UBXN4: variants seen among roughly 807,000 people sequenced by gnomAD.
UBXN4 encodes the protein UBX domain protein 4, also known as UBX domain-containing protein 4.
UBXN4 carries 35 observed loss-of-function variants against 66.2 expected under a neutral mutation model. The observed-to-expected ratio is 0.53, with a 90% CI of 0.40 to 0.70. UBXN4 has a LOEUF of 0.70. UBXN4 is among the 30% of genes least tolerant of loss of function. The pLI is 0.00. For missense variants in UBXN4, 533 were observed against 599.8 expected (o/e 0.89, Z 1.16); for synonymous variants, 203 against 204.5 (o/e 0.99, Z 0.06).
intron 12 of UBXN4, among the ~76,000 whole-genome samples, chr2:135,782,328 G>C (rs1464616539): frequency 1.3e-5 from 2 of 152,116 alleles, no homozygotes; most frequent in African/African-American, 4.8e-5. Context: ...AAGATTTTGC[G>C]AAGGATTTAA....
intron 9 of UBXN4, among the ~76,000 whole-genome samples, chr2:135,775,737 A>C (rs181838108): frequency 1.3e-5 from 2 of 152,288 alleles, no homozygotes; most frequent in African/African-American, 4.8e-5. Context: ...GAATATATTT[A>C]AAAATCACTG....
intron 2 of UBXN4, 30 bp from the exon 3 acceptor site, chr2:135,753,509 C>G: frequency 1.3e-6 from 2 of 1,514,716 alleles, no homozygotes; most frequent in Non-Finnish European, 8.7e-7. Context: ...TTGCATTCAT[C>G]TAGTGATTTT....
At chr2:135,749,667 TAA>T (rs1226820825) in intron 2 of UBXN4, among the ~76,000 whole-genome samples, 4 of 152,224 alleles carry the variant, frequency 2.6e-5, no homozygotes, top group South Asian at 4.1e-4. Context: ...ACTATAATAT[TAA>T]TACTTCACAA....
intron 11 of UBXN4, 35 bp from the exon 12 acceptor site, chr2:135,780,148 G>A (rs377010370): frequency 4.7e-5 from 75 of 1,603,478 alleles, no homozygotes; most frequent in Non-Finnish European, 6.1e-5. Context: ...TTGTGCTAAC[G>A]TAGTCTTTAT....
chr2:135,750,763 G>A (rs1181396172), intron 2 of UBXN4, among the ~76,000 whole-genome samples: 2 of 149,782 alleles, frequency 1.3e-5, no homozygotes, highest in African/African-American at 2.5e-5. Flanking sequence ...AAGAATATAG[G>A]GATTTATAGG....
At chr2:135,762,255 A>G (rs1307101089) in intron 6 of UBXN4, among the ~76,000 whole-genome samples, 1 of 152,224 alleles carries the variant, frequency 6.6e-6, no homozygotes, top group African/African-American at 2.4e-5. Flanking sequence ...TTATTTCATG[A>G]CTATGTACTG....
chr2:135,752,182 G>A (rs893708392), intron 2 of UBXN4, among the ~76,000 whole-genome samples: 1 of 152,008 alleles, frequency 6.6e-6, no homozygotes, highest in Non-Finnish European at 1.5e-5. Flanking sequence ...CGAGTAGCTG[G>A]GATTACAGGT....
chr2:135,780,906 G>A (rs1264859220), intron 12 of UBXN4, among the ~76,000 whole-genome samples: 4 of 152,206 alleles, frequency 2.6e-5, no homozygotes, highest in Non-Finnish European at 4.4e-5. Context: ...CTCTCTCAGA[G>A]AATTATTTTG....
At chr2:135,742,699 C>T (rs2077183721) in intron 1 of UBXN4, 1 of 152,122 alleles carries the variant, frequency 6.6e-6, no homozygotes, top group Admixed American at 6.6e-5. Context: ...ACCTGATGTT[C>T]ACGGTTACTG....
intron 1 of UBXN4, chr2:135,742,813 A>T (rs900075055): frequency 5.9e-5 from 9 of 151,864 alleles, no homozygotes; most frequent in African/African-American, 1.5e-4. Flanking sequence ...ATGTAAGTTT[A>T]AAAAAAATCC....
At chr2:135,762,765 G>GCAGGA (rs1484483051) in intron 6 of UBXN4, among the ~76,000 whole-genome samples, 61 of 152,288 alleles carry the variant, frequency 4.0e-4, no homozygotes, top group Non-Finnish European at 7.6e-4. Flanking sequence ...AGTGGTATAA[G>GCAGGA]CCTAGAAGAA....
At chr2:135,760,711 A>G (rs558222223) in intron 5 of UBXN4, among the ~76,000 whole-genome samples, 74 of 152,284 alleles carry the variant, frequency 4.9e-4, no homozygotes, top group African/African-American at 1.7e-3. Flanking sequence ...TTAATTTCCT[A>G]TTGAGCCTCT....
intron 9 of UBXN4, 43 bp downstream of exon 9, chr2:135,772,590 T>C (rs2077390349): frequency 6.2e-7 from 1 of 1,607,100 alleles, no homozygotes. Flanking sequence ...ACATAGGGGC[T>C]GAGGAGAATG....
intron 1 of UBXN4, 61 bp from the exon 2 acceptor site, chr2:135,748,206 G>A (rs1470662993): frequency 3.1e-6 from 4 of 1,308,770 alleles, no homozygotes; most frequent in Non-Finnish European, 4.2e-6. Context: ...TTTTCCAGGG[G>A]AAAAGAGTTT....
chr2:135,765,474 G>A (rs2077341374), intron 6 of UBXN4, among the ~76,000 whole-genome samples: 1 of 151,924 alleles, frequency 6.6e-6, no homozygotes, highest in African/African-American at 2.4e-5. Context: ...GCCTCCCAAA[G>A]TGCTGGAATT....
chr2:135,747,392 A>G (rs923158558), intron 1 of UBXN4, among the ~76,000 whole-genome samples: 6 of 150,204 alleles, frequency 4.0e-5, no homozygotes, highest in African/African-American at 1.5e-4. Context: ...CGTTTTCAGC[A>G]TTCCAGAAGG....
rs550342322 is a variant in UBXN4, at chr2:135,753,925, A to T, written c.215-234A>T. 8.7e-4 allele frequency: 408 copies of T among 468,038 alleles called. 1 individual carries two copies. Among genetic ancestry groups the T allele is most frequent in the Middle Eastern group, 1.1e-3 (2 of 1,766 alleles). 29.0% of individuals were successfully genotyped at this position (468,038 alleles called of 1,614,324 possible). On this transcript the variant is annotated intron_variant, in intron 3 of 12. Transcript: ENST00000272638. ...TGGCAGCAAGATGGATAGAAAAGGA[A>T]GTTATGATAGAGGAGAATGTAGTAG...
intron 1 of UBXN4, chr2:135,747,834 T>A: frequency 2.8e-6 from 1 of 359,364 alleles, no homozygotes; most frequent in Non-Finnish European, 5.5e-6. Context: ...TTGGCCAGTC[T>A]GGTCTCGAAT....
chr2:135,768,613 G>T (rs1183958468), intron 6 of UBXN4, among the ~76,000 whole-genome samples: 1 of 151,172 alleles, frequency 6.6e-6, no homozygotes. Flanking sequence ...GCCCAGGCTG[G>T]AGTACGGTGA....
Sources: allele counts gnomAD v4.1 joint callset (sites outside exome capture counted in the v4.1 genomes callset), GRCh38; gene constraint gnomAD v4.1.1; transcripts MANE v1.5; gene names NCBI Gene and HGNC (gene_info 2026-07-23, HGNC 2026-07-21).